Variants in EPC2 observed in about 807,000 individuals in gnomAD.
EPC2 encodes the protein enhancer of polycomb homolog 2.
Under a neutral mutation model 92.1 loss-of-function variants are expected in EPC2, and 14 were observed. The observed-to-expected ratio is 0.15, with a 90% CI of 0.10 to 0.24. The LOEUF (loss-of-function observed/expected upper bound fraction) is 0.24, where lower values mean the gene tolerates loss of function less well. EPC2 is among the 10% of genes least tolerant of loss of function. The pLI is 1.00. For missense variants in EPC2, 755 were observed against 971.5 expected (o/e 0.78, Z 2.96); for synonymous variants, 340 against 334.7 (o/e 1.02, Z -0.17).
chr2:148,715,397 T>C (rs905915654), intron 2 of EPC2, among the ~76,000 whole-genome samples: 10 of 152,328 alleles, frequency 6.6e-5, no homozygotes, highest in Admixed American at 6.5e-4. Context: ...AATTGATTTT[T>C]GTTTTTGGTG....
intron 1 of EPC2, among the ~76,000 whole-genome samples, chr2:148,688,980 A>G (rs1034657229): frequency 2.0e-5 from 3 of 152,174 alleles, no homozygotes; most frequent in African/African-American, 7.2e-5. Flanking sequence ...AAGGAATGCT[A>G]GAGGAGGAGT....
chr2:148,660,569 C>A (rs917333626), intron 1 of EPC2, among the ~76,000 whole-genome samples: 1 of 150,862 alleles, frequency 6.6e-6, no homozygotes, highest in African/African-American at 2.4e-5. Context: ...ACATATCAGT[C>A]AGAGTTTTTT....
intron 2 of EPC2, among the ~76,000 whole-genome samples, chr2:148,699,609 T>C (rs1042164132): frequency 6.6e-6 from 1 of 152,232 alleles, no homozygotes; most frequent in Non-Finnish European, 1.5e-5. Flanking sequence ...TAATGTTTTA[T>C]TATATGGCTA....
intron 3 of EPC2, among the ~76,000 whole-genome samples, chr2:148,749,412 A>C (rs1683045119): frequency 6.6e-6 from 1 of 151,992 alleles, no homozygotes; most frequent in Non-Finnish European, 1.5e-5. Context: ...CATGTTCTCA[A>C]CCTTCATTGT....
chr2:148,733,555 T>C (rs1245283903), intron 2 of EPC2, among the ~76,000 whole-genome samples: 1 of 124,730 alleles, frequency 8.0e-6, no homozygotes, highest in African/African-American at 2.9e-5. Context: ...GGGAGTGCAG[T>C]GCCGCCATCA....
At position 148,654,646 on chromosome 2, in the gene EPC2, A is replaced by C. The variant is rs555972605; in HGVS notation, c.153+9476A>C. Among the ~76,000 whole-genome samples the C allele has an allele frequency of 5.3e-5, 8 of 152,318 alleles. No individual in the cohort carries two copies. The South Asian group carries it at 1.7e-3, about 32-fold the overall frequency. ...GCACGCCAGCCTGGATGACAGAGTG[A>C]GACTGAGGCCCTGTCTCTTAGAAAC... On this transcript the variant is annotated intron_variant, in intron 1 of 13. Transcript: ENST00000258484.
Position 148,781,640 on chromosome 2 carries a change from C to T in EPC2, c.1721-4C>T, listed in dbSNP as rs1444605176. The T allele has an allele frequency of 6.2e-7, 1 of 1,607,856 alleles. No homozygotes were observed. Among genetic ancestry groups the T allele is most frequent in the Admixed American group, 1.7e-5 (1 of 58,740 alleles). Reference sequence around the variant, plus strand: ...TCATTTCCAAAATTCATGTTCTTTACCAGTAACAGGGGGTATCACAGAAGA... The same window carrying T: ...TCATTTCCAAAATTCATGTTCTTTATCAGTAACAGGGGGTATCACAGAAGA... On this transcript the variant is annotated splice_polypyrimidine_tract_variant and splice_region_variant and intron_variant, in intron 10 of 13. Transcript: ENST00000258484.
intron 3 of EPC2, among the ~76,000 whole-genome samples, chr2:148,748,117 C>G (rs1023723727): frequency 6.6e-6 from 1 of 152,008 alleles, no homozygotes; most frequent in African/African-American, 2.4e-5. Context: ...TTTACAAGAT[C>G]GATTCACAAG....
chr2:148,690,743 A>G (rs1373618433), intron 2 of EPC2, among the ~76,000 whole-genome samples: 1 of 151,980 alleles, frequency 6.6e-6, no homozygotes, highest in Non-Finnish European at 1.5e-5. Flanking sequence ...GCTCACTGCA[A>G]CCTCTGCCTT....
chr2:148,753,426 T>C (rs776999157), intron 3 of EPC2, among the ~76,000 whole-genome samples: 27 of 152,244 alleles, frequency 1.8e-4, no homozygotes, highest in Non-Finnish European at 3.4e-4. Context: ...AGTTTGTTTT[T>C]ATAATCAATT....
chr2:148,773,913 A>AT (rs1683573489), intron 10 of EPC2, among the ~76,000 whole-genome samples: 1 of 152,066 alleles, frequency 6.6e-6, no homozygotes. Context: ...AAAGAATGGG[A>AT]TCCTCATGTG....
chr2:148,699,766 A>T (rs1297808818), intron 2 of EPC2, among the ~76,000 whole-genome samples: 2 of 152,158 alleles, frequency 1.3e-5, no homozygotes, highest in Admixed American at 6.5e-5. Context: ...TTAGGAGTGC[A>T]ATTGCTGTAA....
At chr2:148,729,030 T>C (rs1294446388) in intron 2 of EPC2, among the ~76,000 whole-genome samples, 1 of 11,606 alleles carries the variant, frequency 8.6e-5, no homozygotes, top group Non-Finnish European at 2.6e-4. Flanking sequence ...AAACTCCATC[T>C]CAAAAAAAAA....
intron 2 of EPC2, among the ~76,000 whole-genome samples, chr2:148,740,370 A>C (rs1257827190): frequency 1.3e-5 from 2 of 151,912 alleles, no homozygotes; most frequent in Non-Finnish European, 2.9e-5. Context: ...AGGCACCTGT[A>C]CCTGGTTTAA....
chr2:148,645,343 C>T, intron 1 of EPC2, 173 bp downstream of exon 1: 1 of 569,260 alleles, frequency 1.8e-6, no homozygotes, highest in Non-Finnish European at 3.1e-6. Context: ...GGCGTAGCGC[C>T]CGCCCGCGGC....
chr2:148,694,778 C>G (rs1440448900), intron 2 of EPC2, among the ~76,000 whole-genome samples: 1 of 152,084 alleles, frequency 6.6e-6, no homozygotes, highest in Non-Finnish European at 1.5e-5. Flanking sequence ...CCCGCCCAAA[C>G]CCTGGTGACG....
chr2:148,669,108 A>G (rs1472331334), intron 1 of EPC2, among the ~76,000 whole-genome samples: 1 of 152,082 alleles, frequency 6.6e-6, no homozygotes, highest in South Asian at 2.1e-4. Context: ...TCTTTGAGCC[A>G]TAGGTTATTT....
chr2:148,677,070 A>G (rs1398760770), intron 1 of EPC2, among the ~76,000 whole-genome samples: 3 of 152,210 alleles, frequency 2.0e-5, no homozygotes, highest in African/African-American at 7.2e-5. Flanking sequence ...AAAAAAGACA[A>G]ACCAGAACTC....
At chr2:148,775,667 A>AAAATTAAATTTAATTTAATT (rs1558837463) in intron 10 of EPC2, among the ~76,000 whole-genome samples, 1 of 147,170 alleles carries the variant, frequency 6.8e-6, no homozygotes, top group African/African-American at 2.5e-5. Context: ...AAAATTAAAT[A>AAAATTAAATTTAATTTAATT]AAATTAAATT....
Sources: allele counts gnomAD v4.1 joint callset (sites outside exome capture counted in the v4.1 genomes callset), GRCh38; gene constraint gnomAD v4.1.1; transcripts MANE v1.5; gene names NCBI Gene and HGNC (gene_info 2026-07-23, HGNC 2026-07-21).